The following LDLRAP1 variants were observed in gnomAD, a reference collection of about 807,000 sequenced individuals.
The protein encoded by LDLRAP1 is low density lipoprotein receptor adapter protein 1.
LDLRAP1 carries 30 observed loss-of-function variants against 37.8 expected under a neutral mutation model. The ratio of observed to expected loss-of-function variants is 0.79; its 90% CI spans 0.59 to 1.08. LDLRAP1 has a LOEUF of 1.08. Ranked by LOEUF, LDLRAP1 falls within the 50% of genes least tolerant of loss-of-function variation. The pLI is 0.00. For missense variants in LDLRAP1, 375 were observed against 401.6 expected, an observed-to-expected ratio of 0.93 and a Z score of 0.57; for synonymous variants, 156 against 169.8, an observed-to-expected ratio of 0.92 and a Z score of 0.63.
At position 25,544,123 on chromosome 1, in the gene LDLRAP1, G is replaced by C. The variant is rs1408320696; in HGVS notation, c.88+337G>C. Among the ~76,000 whole-genome samples, 1 of 152,128 alleles carries C rather than the reference G, an allele frequency of 6.6e-6. No homozygotes were observed. Among genetic ancestry groups the C allele is most frequent in the African/African-American group, 2.4e-5 (1 of 41,456 alleles). ...ACCTCCCGCCCTGCTGTCCTGGCCA[G>C]CTAGGGGGAGGCAGGCGCTCGTCGT... On this transcript the variant is annotated intron_variant, in intron 1 of 8. Transcript: ENST00000374338. The surrounding 1 kb of genome is among the most constrained non-coding windows in gnomAD (Gnocchi z 4.8).
At chr1:25,559,506 G>A (rs570153028) in intron 4 of LDLRAP1, among the ~76,000 whole-genome samples, 11 of 152,330 alleles carry the variant, frequency 7.2e-5, no homozygotes, top group Admixed American at 2.6e-4. Context: ...GGCAGCAGAA[G>A]GGCCCCTGCC....
chr1:25,553,021 A>G (rs78059949), intron 1 of LDLRAP1, among the ~76,000 whole-genome samples: 2,224 of 152,148 alleles, frequency 0.015, 56 homozygotes, highest in African/African-American at 0.051. Context: ...GATTTGGGAA[A>G]TCGCCTTCTC....
At chr1:25,559,221 C>T (rs1202806518) in intron 4 of LDLRAP1, among the ~76,000 whole-genome samples, 1 of 152,114 alleles carries the variant, frequency 6.6e-6, no homozygotes, top group African/African-American at 2.4e-5. Context: ...CCCCATTGTT[C>T]ATCTCTTCCT....
chr1:25,571,081 C>T (rs2044598716), downstream of LDLRAP1, among the ~76,000 whole-genome samples: 2 of 152,302 alleles, frequency 1.3e-5, no homozygotes, highest in South Asian at 2.1e-4. Flanking sequence ...CCCAGCGCTC[C>T]GGATTTCCAC....
At chr1:25,556,811 CAT>C (rs2044211468) in intron 3 of LDLRAP1, among the ~76,000 whole-genome samples, 1 of 152,232 alleles carries the variant, frequency 6.6e-6, no homozygotes, top group African/African-American at 2.4e-5. Flanking sequence ...TTGAGAATCA[CAT>C]GAGGTGAGGT....
downstream of LDLRAP1, among the ~76,000 whole-genome samples, chr1:25,570,641 C>T (rs1457070432): frequency 1.3e-5 from 2 of 152,080 alleles, no homozygotes; most frequent in Non-Finnish European, 2.9e-5. Flanking sequence ...AGGCGGATCA[C>T]GAGGTCAGGA....
intron 4 of LDLRAP1, among the ~76,000 whole-genome samples, chr1:25,557,695 G>A (rs976108163): frequency 3.3e-5 from 5 of 152,132 alleles, no homozygotes; most frequent in African/African-American, 1.2e-4. Flanking sequence ...GCTGTGACTG[G>A]AGTGTGGAGG....
chr1:25,572,912 T>C (rs1177386676), downstream of LDLRAP1, among the ~76,000 whole-genome samples: 1 of 152,150 alleles, frequency 6.6e-6, no homozygotes, highest in Non-Finnish European at 1.5e-5. Flanking sequence ...GCCAGACACC[T>C]AGAAGAGGGG....
At chr1:25,550,788 G>A (rs759051233) in intron 1 of LDLRAP1, among the ~76,000 whole-genome samples, 3 of 152,176 alleles carry the variant, frequency 2.0e-5, no homozygotes. Flanking sequence ...CTGTAAGGAC[G>A]TGGTTAGAGG....
intron 6 of LDLRAP1, 75 bp downstream of exon 6, chr1:25,563,228 G>T: frequency 8.0e-7 from 1 of 1,256,180 alleles, no homozygotes; most frequent in East Asian, 2.3e-5. Context: ...TCCCACTCCT[G>T]CCTGGGCTGG....
chr1:25,549,100 T>A (rs2044008276), intron 1 of LDLRAP1, among the ~76,000 whole-genome samples: 1 of 152,268 alleles, frequency 6.6e-6, no homozygotes, highest in South Asian at 2.1e-4. Context: ...TAAAAATTAT[T>A]TTCTTTTGAT....
downstream of LDLRAP1, among the ~76,000 whole-genome samples, chr1:25,570,269 C>G (rs1024342760): frequency 5.3e-5 from 8 of 152,194 alleles, no homozygotes; most frequent in Non-Finnish European, 7.3e-5. Context: ...TGTCTTTAGT[C>G]TCCGGATGTC....
At chr1:25,559,984 A>T (rs1425995649) in intron 4 of LDLRAP1, among the ~76,000 whole-genome samples, 1 of 147,796 alleles carries the variant, frequency 6.8e-6, no homozygotes, top group Non-Finnish European at 1.5e-5. Context: ...CTGAAGTTAG[A>T]GTCAGTGAGA....
chr1:25,548,134 C>G (rs2043981119), intron 1 of LDLRAP1, among the ~76,000 whole-genome samples: 1 of 152,198 alleles, frequency 6.6e-6, no homozygotes, highest in African/African-American at 2.4e-5. Context: ...GCTTCTTTAT[C>G]TGTGAAATGG....
At chr1:25,585,116 A>G in the LDLRAP1 span, among the ~76,000 whole-genome samples, 1 of 152,112 alleles carries the variant, frequency 6.6e-6, no homozygotes. Flanking sequence ...GAGCGGTAAG[A>G]GTTGAGGCTG....
the LDLRAP1 span, among the ~76,000 whole-genome samples, chr1:25,580,473 T>C: frequency 6.6e-6 from 1 of 152,228 alleles, no homozygotes; most frequent in Non-Finnish European, 1.5e-5. Flanking sequence ...CTAGACACTG[T>C]GCTAACATTT....
At chr1:25,545,841 A>C (rs1411802911) in intron 1 of LDLRAP1, among the ~76,000 whole-genome samples, 1 of 152,158 alleles carries the variant, frequency 6.6e-6, no homozygotes, top group Non-Finnish European at 1.5e-5. Context: ...GAGTTTGGTA[A>C]ATGGTAACTG....
chr1:25,548,539 A>G (rs113258740), intron 1 of LDLRAP1, among the ~76,000 whole-genome samples: 30,998 of 151,578 alleles, frequency 0.2, 7,568 homozygotes, highest in African/African-American at 0.59. Context: ...TAGTAGAGAC[A>G]GTGTTTCACC....
chr1:25,547,799 C>T (rs961098275), intron 1 of LDLRAP1, among the ~76,000 whole-genome samples: 2 of 152,208 alleles, frequency 1.3e-5, no homozygotes, highest in Non-Finnish European at 2.9e-5. Context: ...CAGGGAAGGT[C>T]CCTCTGAGAA....
Sources: gnomAD v4.1 joint callset for allele counts (sites outside exome capture counted in the v4.1 genomes callset) on GRCh38, gnomAD v4.1.1 for gene constraint, Gnocchi (gnomAD v3.1) non-coding constraint, MANE v1.5 for transcripts, NCBI Gene and HGNC (gene_info 2026-07-23, HGNC 2026-07-21) for gene names.